The following DCBLD1 variants were observed in gnomAD, a reference collection of about 807,000 sequenced individuals.
The protein encoded by DCBLD1 is discoidin, CUB and LCCL domain containing 1.
In DCBLD1, 57 loss-of-function variants were observed where a neutral mutation model predicts 71.5. The observed-to-expected ratio is 0.80, with a 90% CI of 0.64 to 0.99. The LOEUF (loss-of-function observed/expected upper bound fraction) is 0.99. DCBLD1 is among the 50% of genes least tolerant of loss of function. The pLI is 0.00. For missense variants in DCBLD1, 891 were observed against 923.5 expected, an observed-to-expected ratio of 0.96 and a Z score of 0.46; for synonymous variants, 380 against 363.8, an observed-to-expected ratio of 1.04 and a Z score of -0.51.
chr6:117,545,736 C>G (rs1779247399), intron 14 of DCBLD1, 139 bp downstream of exon 14: 1 of 1,276,820 alleles, frequency 7.8e-7, no homozygotes, highest in Non-Finnish European at 1.1e-6. Context: ...TTTCTGCATT[C>G]TGCACAGAAT....
chr6:117,532,511 GAAAA>G, intron 6 of DCBLD1, 118 bp downstream of exon 6: 1 of 1,296,122 alleles, frequency 7.7e-7, no homozygotes, highest in Non-Finnish European at 1.0e-6. Flanking sequence ...TTGTCAACTG[GAAAA>G]ATATGCATGA....
chr6:117,560,995 CA>C, intron 14 of DCBLD1: 1 of 214,632 alleles, frequency 4.7e-6, no homozygotes, highest in East Asian at 6.9e-5. Context: ...AGTTCATCCC[CA>C]AAAACCATAC....
chr6:117,550,571 G>A (rs1277938135), downstream of DCBLD1, among the ~76,000 whole-genome samples: 1 of 152,140 alleles, frequency 6.6e-6, no homozygotes, highest in African/African-American at 2.4e-5. Context: ...GCTTTGCTCT[G>A]GGTTTTATTA....
At chr6:117,498,222 A>G (rs1777531722) in intron 1 of DCBLD1, among the ~76,000 whole-genome samples, 1 of 152,158 alleles carries the variant, frequency 6.6e-6, no homozygotes, top group African/African-American at 2.4e-5. Flanking sequence ...TGTTCTTGTA[A>G]ATTGTTTTGA....
intron 14 of DCBLD1, chr6:117,560,853 G>C: frequency 4.7e-6 from 1 of 214,652 alleles, no homozygotes; most frequent in Non-Finnish European, 9.4e-6. Context: ...TCGATGAAAT[G>C]GCTTTGCAAC....
intron 2 of DCBLD1, among the ~76,000 whole-genome samples, chr6:117,515,017 TGG>T (rs368240847): frequency 7.0e-6 from 1 of 141,986 alleles, no homozygotes. Context: ...TTACAGTTTG[TGG>T]GTTTTTTTTT....
chr6:117,548,971 A>T lies in DCBLD1; in HGVS notation c.*532A>T. Reference sequence around the variant, plus strand: ...TCCTCTCCTTTGATAACTAGAACTGAAAGCATTTTTAACATTCTTCTCCTG... The same window carrying T: ...TCCTCTCCTTTGATAACTAGAACTGTAAGCATTTTTAACATTCTTCTCCTG... On this transcript the variant is annotated 3_prime_UTR_variant, in exon 15 of 15. Coordinates refer to ENST00000338728, the MANE Select transcript of DCBLD1 (RefSeq NM_001366458.2). 1.0e-6 allele frequency: 1 copy of T among 986,836 alleles called. No homozygotes were observed. Among genetic ancestry groups the T allele is most frequent in the African/African-American group, 1.7e-5 (1 of 57,374 alleles). 61.1% of individuals were successfully genotyped at this position (986,836 alleles called of 1,614,324 possible). A position where few individuals can be genotyped will look rare whatever the true frequency, so the allele number is the denominator to read the frequency against.
intron 14 of DCBLD1, among the ~76,000 whole-genome samples, chr6:117,557,277 A>G (rs1416919388): frequency 6.6e-6 from 1 of 152,198 alleles, no homozygotes; most frequent in African/African-American, 2.4e-5. Context: ...TTTAAAAAAT[A>G]TAACTGTATC....
Position 117,503,930 on chromosome 6 carries a change from G to C in DCBLD1, c.276G>C (p.Gln92His), listed in dbSNP as rs1777749501. 6.2e-7 allele frequency: 1 copy of C among 1,614,118 alleles called. No individual in the cohort carries two copies. Among genetic ancestry groups the C allele is most frequent in the African/African-American group, 1.3e-5 (1 of 75,034 alleles). Reference sequence around the variant, plus strand: ...TGGGAGATTTGGATATCGAATCCCAGACCTGTGCTTCTGACTATCTTCTCT... The same window carrying C: ...TGGGAGATTTGGATATCGAATCCCACACCTGTGCTTCTGACTATCTTCTCT... The part of the protein sequence containing the change: ...LRLGDLDIES[Q>H]TCASDYLLFT... The change falls in exon 2 of 15, where the codon CAG (glutamine) becomes CAC (histidine). Residue 92 changes from glutamine (Q) to histidine (H), a missense_variant. Coordinates refer to ENST00000338728, the MANE Select transcript of DCBLD1 (RefSeq NM_001366458.2).
chr6:117,539,492 A>C (rs981811451), intron 9 of DCBLD1, 113 bp downstream of exon 9: 1 of 1,217,386 alleles, frequency 8.2e-7, no homozygotes, highest in African/African-American at 1.6e-5. Flanking sequence ...GAGGCCAAGC[A>C]TGGTGGTTCA....
rs9689685 is a variant in DCBLD1, at chr6:117,545,603, T to G, written c.1615+6T>G. 1.2e-6 allele frequency: 2 copies of G among 1,613,426 alleles called. No individual in the cohort carries two copies. Among genetic ancestry groups the G allele is most frequent in the South Asian group, 2.2e-5 (2 of 90,906 alleles). On this transcript the variant is annotated splice_donor_region_variant and intron_variant, in intron 14 of 14. Transcript: ENST00000338728. ...CATCACAAGTGATATGGCAGGTAAG[T>G]GTCATATTTCTAGGACTGTGCTATT... is the stretch of plus-strand genomic sequence containing the variant.
chr6:117,554,492 A>G (rs1779470823), downstream of DCBLD1, among the ~76,000 whole-genome samples: 1 of 152,238 alleles, frequency 6.6e-6, no homozygotes, highest in Admixed American at 6.5e-5. Context: ...CAGTCAGATG[A>G]TTAATTACAT....
At chr6:117,555,468 AG>A (rs1166272235) in intron 14 of DCBLD1, among the ~76,000 whole-genome samples, 1 of 152,178 alleles carries the variant, frequency 6.6e-6, no homozygotes, top group African/African-American at 2.4e-5. Context: ...ATGACAGTAG[AG>A]GGCACCTAGT....
chr6:117,568,999 T>C (rs1313380019), intron 14 of DCBLD1, among the ~76,000 whole-genome samples: 3 of 152,210 alleles, frequency 2.0e-5, no homozygotes, highest in Non-Finnish European at 4.4e-5. Context: ...ACATTTTAAG[T>C]ACAACTGTAT....
intron 1 of DCBLD1, among the ~76,000 whole-genome samples, chr6:117,497,171 C>T (rs148545159): frequency 1.3e-3 from 197 of 151,972 alleles, no homozygotes; most frequent in African/African-American, 4.1e-3. Flanking sequence ...CCAGCCTGGG[C>T]GACAGAGCAA....
At chr6:117,515,587 G>A (rs961782143) in intron 2 of DCBLD1, among the ~76,000 whole-genome samples, 9 of 152,170 alleles carry the variant, frequency 5.9e-5, no homozygotes, top group African/African-American at 2.2e-4. Context: ...GAATAAGTTG[G>A]AAAAGGCAAG....
At chr6:117,515,020 G>GTTTTT (rs757426605) in intron 2 of DCBLD1, among the ~76,000 whole-genome samples, 1 of 136,996 alleles carries the variant, frequency 7.3e-6, no homozygotes, top group East Asian at 2.1e-4. Flanking sequence ...CAGTTTGTGG[G>GTTTTT]TTTTTTTTTT....
chr6:117,486,836 C>T (rs988297563), intron 1 of DCBLD1, among the ~76,000 whole-genome samples: 2 of 152,196 alleles, frequency 1.3e-5, no homozygotes, highest in Admixed American at 6.5e-5. Flanking sequence ...CGTTAGGAGC[C>T]GGGCCACACA....
intron 4 of DCBLD1, among the ~76,000 whole-genome samples, chr6:117,523,386 C>T (rs1282472957): frequency 1.3e-5 from 2 of 152,116 alleles, no homozygotes; most frequent in African/African-American, 4.8e-5. Flanking sequence ...ACCTTAAATT[C>T]GTTTGACAGC....
Sources: gnomAD v4.1 joint callset for allele counts (sites outside exome capture counted in the v4.1 genomes callset) on GRCh38, gnomAD v4.1.1 for gene constraint, MANE v1.5 for transcripts, NCBI Gene and HGNC (gene_info 2026-07-23, HGNC 2026-07-21) for gene names.